The following SNX24 variants were observed in gnomAD, a reference collection of about 807,000 sequenced individuals.
SNX24 encodes the protein sorting nexin 24, also known as sorting nexin-24.
In SNX24, 22 loss-of-function variants were observed where a neutral mutation model predicts 28.7. The observed-to-expected ratio is 0.77, with a 90% confidence interval of 0.55 to 1.10. The LOEUF (loss-of-function observed/expected upper bound fraction) is 1.10. SNX24 is among the 50% of genes least tolerant of loss of function. The pLI, the probability that SNX24 is intolerant of heterozygous loss-of-function variation, is 0.00. For synonymous variants in SNX24, 69 were observed against 71.5 expected, an observed-to-expected ratio of 0.96 and a Z score of 0.18; for missense variants, 221 against 201.1, an observed-to-expected ratio of 1.10 and a Z score of -0.60.
chr5:122,940,359 T>G (rs569362389), intron 2 of SNX24, among the ~76,000 whole-genome samples: 5 of 152,250 alleles, frequency 3.3e-5, no homozygotes, highest in South Asian at 2.1e-4. Flanking sequence ...CAGTATTACT[T>G]TAACCATTTC....
intron 2 of SNX24, among the ~76,000 whole-genome samples, chr5:122,939,807 T>C (rs1486666876): frequency 6.6e-6 from 1 of 152,166 alleles, no homozygotes; most frequent in African/African-American, 2.4e-5. Context: ...TTTGAGAATT[T>C]CTATAGTATG....
intron 5 of SNX24, among the ~76,000 whole-genome samples, chr5:123,017,896 C>A (rs1218219037): frequency 6.6e-6 from 1 of 152,066 alleles, no homozygotes; most frequent in Admixed American, 6.6e-5. Context: ...GTCTTGGGTA[C>A]GTCTTTATCA....
chr5:122,973,210 A>T (rs1325284855), intron 3 of SNX24, among the ~76,000 whole-genome samples: 1 of 152,184 alleles, frequency 6.6e-6, no homozygotes, highest in African/African-American at 2.4e-5. Flanking sequence ...TTTTCCAATC[A>T]TGCTTCTTCC....
intron 1 of SNX24, among the ~76,000 whole-genome samples, chr5:122,866,742 G>A (rs1357908886): frequency 1.3e-5 from 2 of 152,168 alleles, no homozygotes; most frequent in African/African-American, 4.8e-5. Context: ...GGCAGGATCA[G>A]TCACCCCAGC....
intron 1 of SNX24, among the ~76,000 whole-genome samples, chr5:122,917,187 G>A (rs1472250441): frequency 6.6e-6 from 1 of 151,572 alleles, no homozygotes; most frequent in African/African-American, 2.4e-5. Flanking sequence ...AACCCGGGAG[G>A]TGGAGGTTGC....
chr5:123,009,655 C>T (rs1266448189), downstream of SNX24, among the ~76,000 whole-genome samples: 1 of 152,148 alleles, frequency 6.6e-6, no homozygotes, highest in Non-Finnish European at 1.5e-5. Flanking sequence ...TCTATTTAAA[C>T]TTTTAATGTG....
intron 1 of SNX24, among the ~76,000 whole-genome samples, chr5:122,857,901 G>C (rs1256691543): frequency 6.6e-6 from 1 of 152,106 alleles, no homozygotes; most frequent in African/African-American, 2.4e-5. Flanking sequence ...TCCTGCCTCA[G>C]CCTCCTGAGT....
chr5:123,011,089 C>T (rs1054846931), downstream of SNX24, among the ~76,000 whole-genome samples: 1 of 152,070 alleles, frequency 6.6e-6, no homozygotes, highest in African/African-American at 2.4e-5. Flanking sequence ...TAATAGTATT[C>T]CAAGTCATGC....
At chr5:122,998,071 A>G (rs1762113321) in intron 3 of SNX24, 1 of 152,216 alleles carries the variant, frequency 6.6e-6, no homozygotes, top group African/African-American at 2.4e-5. Flanking sequence ...GTCCTTGAAT[A>G]GGTAAAAACT....
intron 3 of SNX24, among the ~76,000 whole-genome samples, chr5:122,984,649 G>A (rs1761521515): frequency 6.6e-6 from 1 of 152,230 alleles, no homozygotes; most frequent in Non-Finnish European, 1.5e-5. Context: ...TTGAAGTTAT[G>A]CTTTAACAGA....
chr5:122,886,011 G>A (rs1302365630), intron 1 of SNX24, among the ~76,000 whole-genome samples: 1 of 152,128 alleles, frequency 6.6e-6, no homozygotes, highest in African/African-American at 2.4e-5. Context: ...TTCCTAACAG[G>A]CCACAGACCG....
In SNX24 at chr5:122,913,418, C is replaced by T. The variant is rs530047715; in HGVS notation, c.61-23316C>T. Among the ~76,000 whole-genome samples the T allele has an allele frequency of 3.9e-4, 59 of 150,982 alleles. No homozygotes were observed. The South Asian group carries it at 4.5e-3, about 12-fold the overall frequency. ...GCTGACCCCCCACCTCCCTCCCGGACGGGGCGGCTGGCCGGGCGGGGGGCT... is the reference window on the plus strand; with the variant it reads ...GCTGACCCCCCACCTCCCTCCCGGATGGGGCGGCTGGCCGGGCGGGGGGCT... On this transcript the variant is annotated intron_variant, in intron 1 of 6. Transcript: ENST00000261369.
At chr5:122,863,453 G>A (rs1478365900) in intron 1 of SNX24, among the ~76,000 whole-genome samples, 1 of 152,082 alleles carries the variant, frequency 6.6e-6, no homozygotes, top group Non-Finnish European at 1.5e-5. Flanking sequence ...GAAATAATGG[G>A]AGATGGAATG....
chr5:122,989,461 C>T (rs1395828617), intron 3 of SNX24, among the ~76,000 whole-genome samples: 1 of 139,252 alleles, frequency 7.2e-6, no homozygotes, highest in African/African-American at 2.7e-5. Flanking sequence ...TGACTTTTCC[C>T]ATCCAGTCAC....
chr5:122,955,623 G>A (rs978788083), intron 3 of SNX24, among the ~76,000 whole-genome samples: 2 of 152,246 alleles, frequency 1.3e-5, no homozygotes, highest in Non-Finnish European at 2.9e-5. Context: ...CTTGGCCCTC[G>A]TTGATACCTG....
At chr5:122,856,083 C>T (rs546017875) in intron 1 of SNX24, among the ~76,000 whole-genome samples, 1 of 152,244 alleles carries the variant, frequency 6.6e-6, no homozygotes, top group African/African-American at 2.4e-5. Flanking sequence ...GGGCATAGTA[C>T]CCAATAGGTA....
intron 1 of SNX24, among the ~76,000 whole-genome samples, chr5:122,891,389 T>G (rs1336949961): frequency 3.9e-5 from 6 of 152,190 alleles, no homozygotes. Flanking sequence ...GCCATATCAG[T>G]TTTATTTTTA....
chr5:122,955,094 G>A (rs888197018), intron 3 of SNX24, among the ~76,000 whole-genome samples: 3 of 151,674 alleles, frequency 2.0e-5, no homozygotes, highest in African/African-American at 7.3e-5. Flanking sequence ...GTCAGGGTGG[G>A]TAAATTCTAT....
At chr5:122,945,751 T>C (rs935967967) in intron 2 of SNX24, among the ~76,000 whole-genome samples, 43 of 152,344 alleles carry the variant, frequency 2.8e-4, no homozygotes, top group African/African-American at 1.0e-3. Context: ...TAAATTTCTT[T>C]ACTTTCATTT....
Sources: gnomAD v4.1 joint callset for allele counts (sites outside exome capture counted in the v4.1 genomes callset) on GRCh38, gnomAD v4.1.1 for gene constraint, MANE v1.5 for transcripts, NCBI Gene and HGNC (gene_info 2026-07-23, HGNC 2026-07-21) for gene names.